OR51G1: variants seen among roughly 807,000 people sequenced by gnomAD.
OR51G1 encodes olfactory receptor family 51 subfamily G member 1, also known as olfactory receptor 51G1.
For missense variants in OR51G1, 454 were observed against 396.0 expected (o/e 1.15, Z -1.24); for synonymous variants, 163 against 156.9 (o/e 1.04, Z -0.29).
chr11:4,923,478 G>A lies in OR51G1; in HGVS notation c.862C>T (p.Leu288Phe), dbSNP rs1158376043. 1.2e-6 allele frequency: 2 copies of A among 1,613,922 alleles called. No individual in the cohort carries two copies. The highest frequency in any genetic ancestry group is 1.7e-6 in the Non-Finnish European group (2 of 1,179,870). Residue 288 changes from leucine to phenylalanine, a missense_variant, in exon 1 of 1, where the codon CTT becomes TTT. Transcript: ENST00000623849. ...ATGCTGTAGATGATGGGGTTCATAAGGGGTGGTACCAGCAGATACACATAG... is the reference window on the plus strand; with the variant it reads ...ATGCTGTAGATGATGGGGTTCATAAAGGGTGGTACCAGCAGATACACATAG... ...MSYVYLLVPP[L>F]MNPIIYSIKT... is the part of the protein sequence containing the mutation.
rs1564808071 is a variant in OR51G1, at chr11:4,923,917, TG to T, written c.422del (p.Ala141AspfsTer8). 6.2e-7 allele frequency: 1 copy of T among 1,613,980 alleles called. No individual in the cohort carries two copies. Among genetic ancestry groups the T allele is most frequent in the Non-Finnish European group, 8.5e-7 (1 of 1,180,024 alleles). ...PLHDSTVLTP[A>X]CIVKMGLSSV... The stretch of plus-strand genomic sequence containing the variant: ...AGCTTAGCCCCATCTTGACAATACA[TG>T]CAGGTGTCAGGACGGTGGAGTCATG... On this transcript the variant is annotated frameshift_variant, in exon 1 of 1. Transcript: ENST00000623849. LOFTEE classifies it low-confidence loss of function (END_TRUNC).
chr11:4,923,872 GA>G lies in OR51G1; in HGVS notation c.467del (p.Leu156ProfsTer10). ...MGLSSVLRSA[L>X]LILPLPFLLK... The stretch of plus-strand genomic sequence containing the variant: ...GGAGGAATGGCAAGGGGAGGATGAG[GA>G]GAGCACTTCTAAGCACTGAGCTTAG... On this transcript the variant is annotated frameshift_variant, in exon 1 of 1. Coordinates refer to ENST00000623849, the MANE Select transcript of OR51G1 (RefSeq NM_001005237.1). LOFTEE classifies it low-confidence loss of function (END_TRUNC). The G allele has an allele frequency of 6.2e-7, 1 of 1,614,020 alleles. No individual in the cohort carries two copies. The highest frequency in any genetic ancestry group is 8.5e-7 in the Non-Finnish European group (1 of 1,180,026).
rs774659595 is a variant in OR51G1 at position 4,924,069 on chromosome 11, T to A, written c.271A>T (p.Thr91Ser). The A allele has an allele frequency of 1.2e-6, 2 of 1,613,970 alleles. No individual in the cohort carries two copies. Among genetic ancestry groups the A allele is most frequent in the Admixed American group, 1.7e-5 (1 of 60,004 alleles). The change falls in exon 1 of 1, where the codon ACC (threonine) becomes TCC (serine). Residue 91 changes from threonine to serine, a missense_variant. By Grantham distance (58) the Thr-to-Ser change is moderately conservative (BLOSUM62 1). Coordinates refer to ENST00000623849, the MANE Select transcript of OR51G1 (RefSeq NM_001005237.1). ...PTVLGIFWFD[T>S]REIGIPACFT... ...CAGGCAGGGATGCCAATCTCTCTGGTATCAAACCAGAAAATGCCCAGCACA... is the reference window on the plus strand; with the variant it reads ...CAGGCAGGGATGCCAATCTCTCTGGAATCAAACCAGAAAATGCCCAGCACA...
Position 4,923,617 on chromosome 11 carries a change from G to A in OR51G1, c.723C>T (p.Asn241=), listed in dbSNP as rs1851218875. 1 of 1,614,154 alleles carries A rather than the reference G, an allele frequency of 6.2e-7. No homozygotes were observed. The highest frequency in any genetic ancestry group is 8.5e-7 in the Non-Finnish European group (1 of 1,180,018). The change falls in exon 1 of 1, where the codon AAC becomes AAT. Residue 241 remains asparagine, a synonymous_variant. Transcript: ENST00000623849. ...ASHQERLRAL[N]TCVSHICAVL... ...CAGCACAGATATGAGAGACACAGGT[G>A]TTGAGGGCTCGGAGTCGCTCCTGGT... is the stretch of plus-strand genomic sequence containing the variant.
Position 4,924,173 on chromosome 11 carries a change from G to A in OR51G1, c.167C>T (p.Thr56Ile). Residue 56 changes from threonine to isoleucine, a missense_variant, in exon 1 of 1, where the codon ACT becomes ATT. Coordinates refer to ENST00000623849, the MANE Select transcript of OR51G1 (RefSeq NM_001005237.1). ...TILHVICTDATLHGPMYYFLG... is the reference protein window; with the variant it reads ...TILHVICTDAILHGPMYYFLG... ...GAAATAGTACATGGGTCCATGGAGAGTGGCATCAGTACAAATGACGTGGAG... is the reference window on the plus strand; with the variant it reads ...GAAATAGTACATGGGTCCATGGAGAATGGCATCAGTACAAATGACGTGGAG... The A allele has an allele frequency of 6.2e-7, 1 of 1,614,200 alleles. No homozygotes were observed. The highest frequency in any genetic ancestry group is 8.5e-7 in the Non-Finnish European group (1 of 1,180,034).
At position 4,923,906 on chromosome 11, in the gene OR51G1, T is replaced by G. The variant is rs774270415; in HGVS notation, c.434A>C (p.Lys145Thr). Residue 145 changes from lysine (K) to threonine (T), a missense_variant, in exon 1 of 1, where the codon AAG becomes ACG. Transcript: ENST00000623849. Reference protein sequence around the residue: ...STVLTPACIVKMGLSSVLRSA... With the variant: ...STVLTPACIVTMGLSSVLRSA... ...TCTAAGCACTGAGCTTAGCCCCATCTTGACAATACATGCAGGTGTCAGGAC... is the reference window on the plus strand; with the variant it reads ...TCTAAGCACTGAGCTTAGCCCCATCGTGACAATACATGCAGGTGTCAGGAC... 1 of 1,614,126 alleles carries G rather than the reference T, an allele frequency of 6.2e-7. No homozygotes were observed. Among genetic ancestry groups the G allele is most frequent in the South Asian group, 1.1e-5 (1 of 91,066 alleles).
Position 4,924,054 on chromosome 11 carries a change from T to G in OR51G1, c.286A>C (p.Ile96Leu), listed in dbSNP as rs564670726. ...IFWFDTREIG[I>L]PACFTQLFFI... ...AAGAGCTGAGTGAAACAGGCAGGGATGCCAATCTCTCTGGTATCAAACCAG... is the reference window on the plus strand; with the variant it reads ...AAGAGCTGAGTGAAACAGGCAGGGAGGCCAATCTCTCTGGTATCAAACCAG... The change falls in exon 1 of 1, where the codon ATC (isoleucine) becomes CTC (leucine). Residue 96 changes from isoleucine (I) to leucine (L), a missense_variant. Ile to Leu is a conservative substitution (Grantham distance 5, BLOSUM62 2). Transcript: ENST00000623849. 2 of 1,614,072 alleles carry G rather than the reference T, an allele frequency of 1.2e-6. No homozygotes were observed. The highest frequency in any genetic ancestry group is 1.7e-6 in the Non-Finnish European group (2 of 1,180,014).
Position 4,923,509 on chromosome 11 carries a change from G to C in OR51G1, c.831C>G (p.Phe277Leu). 2 of 1,614,166 alleles carry C rather than the reference G, an allele frequency of 1.2e-6. No individual in the cohort carries two copies. The highest frequency in any genetic ancestry group is 1.7e-6 in the Non-Finnish European group (2 of 1,180,024). The change falls in exon 1 of 1, where the codon TTC (phenylalanine) becomes TTG (leucine). Residue 277 changes from phenylalanine (F) to leucine (L), a missense_variant. Transcript: ENST00000623849. The part of the protein sequence containing the change: ...GEHLPRVVHL[F>L]MSYVYLLVPP... ...GTACCAGCAGATACACATAGGACAT[G>C]AAGAGGTGTACAACGCGGGGCAGAT...
Position 4,924,107 on chromosome 11 carries a change from G to C in OR51G1, c.233C>G (p.Ser78Cys), listed in dbSNP as rs765114852. 6.2e-7 allele frequency: 1 copy of C among 1,614,144 alleles called. No homozygotes were observed. The highest frequency in any genetic ancestry group is 8.5e-7 in the Non-Finnish European group (1 of 1,180,032). ...AATGCCCAGCACAGTGGGCAGTGTG[G>C]AAAGGCAAAGGCCTAAGTCTGTGAC... ...LAVTDLGLCL[S>C]TLPTVLGIFW... The change falls in exon 1 of 1, where the codon TCC (serine) becomes TGC (cysteine). Residue 78 changes from serine (S) to cysteine (C), a missense_variant. Physicochemically the swap from Ser to Cys is moderately radical, Grantham distance 112 (BLOSUM62 -1). Transcript: ENST00000623849.
Position 4,923,661 on chromosome 11 carries a change from C to A in OR51G1, c.679G>T (p.Val227Leu). The change falls in exon 1 of 1, where the codon GTG becomes TTG. Residue 227 changes from valine to leucine, a missense_variant. Coordinates refer to ENST00000623849, the MANE Select transcript of OR51G1 (RefSeq NM_001005237.1). ...TCCTGGTGGGAGGCAATGCTGAGCACGGTGCGAAGGATGAGGGCGTATGAG... is the reference window on the plus strand; with the variant it reads ...TCCTGGTGGGAGGCAATGCTGAGCAAGGTGCGAAGGATGAGGGCGTATGAG... ...FLSYALILRTVLSIASHQERL... is the reference protein window; with the variant it reads ...FLSYALILRTLLSIASHQERL... 1 of 1,613,876 alleles carries A rather than the reference C, an allele frequency of 6.2e-7. No individual in the cohort carries two copies. Among genetic ancestry groups the A allele is most frequent in the South Asian group, 1.1e-5 (1 of 91,068 alleles).
rs1851233035 is a variant in OR51G1 at position 4,924,177 on chromosome 11, C to T, written c.163G>A (p.Ala55Thr). The change falls in exon 1 of 1, where the codon GCC (alanine) becomes ACC (threonine). Residue 55 changes from alanine (A) to threonine (T), a missense_variant. Ala to Thr is a moderately conservative substitution (Grantham distance 58, BLOSUM62 0). Coordinates refer to ENST00000623849, the MANE Select transcript of OR51G1 (RefSeq NM_001005237.1). ...LTILHVICTD[A>T]TLHGPMYYFL... is the part of the protein sequence containing the mutation. ...TAGTACATGGGTCCATGGAGAGTGG[C>T]ATCAGTACAAATGACGTGGAGAATG... 7.4e-6 allele frequency: 12 copies of T among 1,614,144 alleles called. No individual in the cohort carries two copies. The highest frequency in any genetic ancestry group is 1.0e-5 in the Non-Finnish European group (12 of 1,180,022).
Position 4,924,267 on chromosome 11 carries a change from G to A in OR51G1, c.73C>T (p.Leu25Phe). The change falls in exon 1 of 1, where the codon CTC becomes TTC. Residue 25 changes from leucine to phenylalanine, a missense_variant. By Grantham distance (22) the Leu-to-Phe change is conservative. Transcript: ENST00000623849. ...AAGGGAATAGAGATCCAGCCATGGA[G>A]ACCTTCTAGACCTTGGAAGCCCGTC... ...FLTGFQGLEG[L>F]HGWISIPFCF... is the part of the protein sequence containing the mutation. The A allele has an allele frequency of 2.5e-6, 4 of 1,613,994 alleles. No individual in the cohort carries two copies. The highest frequency in any genetic ancestry group is 3.4e-6 in the Non-Finnish European group (4 of 1,179,978).
Position 4,923,889 on chromosome 11 carries a change from C to T in OR51G1, c.451G>A (p.Val151Met). The change falls in exon 1 of 1, where the codon GTG becomes ATG. Residue 151 changes from valine to methionine, a missense_variant. Transcript: ENST00000623849. ...ACIVKMGLSS[V>M]LRSALLILPL... ...AGGATGAGGAGAGCACTTCTAAGCA[C>T]TGAGCTTAGCCCCATCTTGACAATA... is the stretch of plus-strand genomic sequence containing the variant. The T allele has an allele frequency of 6.2e-7, 1 of 1,614,080 alleles. No homozygotes were observed.
Position 4,923,680 on chromosome 11 carries a change from G to T in OR51G1, c.660C>A (p.Tyr220Ter). 6.2e-7 allele frequency: 1 copy of T among 1,613,968 alleles called. No individual in the cohort carries two copies. Among genetic ancestry groups the T allele is most frequent in the Non-Finnish European group, 8.5e-7 (1 of 1,179,938 alleles). ...GVDSLLIFLS[Y>*]ALILRTVLSI... ...TGAGCACGGTGCGAAGGATGAGGGC[G>T]TATGAGAGAAAGATGAGCAGGGAGT... is the stretch of plus-strand genomic sequence containing the variant. Residue 220 changes from tyrosine (Y) to a stop codon, truncating the protein, a stop_gained, in exon 1 of 1, where the codon TAC becomes TAA. Transcript: ENST00000623849. LOFTEE classifies it low-confidence loss of function (END_TRUNC).
Position 4,923,565 on chromosome 11 carries a change from C to T in OR51G1, c.775G>A (p.Gly259Ser), listed in dbSNP as rs766039390. 1.9e-6 allele frequency: 3 copies of T among 1,613,950 alleles called. No individual in the cohort carries two copies. The Admixed American group carries it at 5.0e-5, about 27-fold the overall frequency. The part of the protein sequence containing the change: ...AVLLFYIPMI[G>S]LSLVHRFGEH... Reference sequence around the variant, plus strand: ...CCAAAGCGATGCACAAGAGACAAGCCAATCATGGGGATGTAGAAGAGCAGT... The same window carrying T: ...CCAAAGCGATGCACAAGAGACAAGCTAATCATGGGGATGTAGAAGAGCAGT... The change falls in exon 1 of 1, where the codon GGC becomes AGC. Residue 259 changes from glycine to serine, a missense_variant. Transcript: ENST00000623849.
chr11:4,924,095 G>A lies in OR51G1; in HGVS notation c.245C>T (p.Thr82Ile), dbSNP rs1418214531. ...ATCAAACCAGAAAATGCCCAGCACA[G>A]TGGGCAGTGTGGAAAGGCAAAGGCC... ...DLGLCLSTLP[T>I]VLGIFWFDTR... is the part of the protein sequence containing the mutation. Residue 82 changes from threonine (T) to isoleucine (I), a missense_variant, in exon 1 of 1, where the codon ACT becomes ATT. Coordinates refer to ENST00000623849, the MANE Select transcript of OR51G1 (RefSeq NM_001005237.1). The A allele has an allele frequency of 1.9e-6, 3 of 1,614,062 alleles. No individual in the cohort carries two copies. Among genetic ancestry groups the A allele is most frequent in the African/African-American group, 1.3e-5 (1 of 74,958 alleles).
Position 4,923,533 on chromosome 11 carries a change from A to T in OR51G1, c.807T>A (p.His269Gln), listed in dbSNP as rs746111031. 2.5e-6 allele frequency: 4 copies of T among 1,614,064 alleles called. No homozygotes were observed. In the African/African-American group the frequency reaches 4.0e-5, roughly 16 times the overall value. ...TGAAGAGGTGTACAACGCGGGGCAGATGTTCACCAAAGCGATGCACAAGAG... is the reference window on the plus strand; with the variant it reads ...TGAAGAGGTGTACAACGCGGGGCAGTTGTTCACCAAAGCGATGCACAAGAG... ...GLSLVHRFGE[H>Q]LPRVVHLFMS... The change falls in exon 1 of 1, where the codon CAT becomes CAA. Residue 269 changes from histidine to glutamine, a missense_variant. Transcript: ENST00000623849.
chr11:4,923,919 C>T lies in OR51G1; in HGVS notation c.421G>A (p.Ala141Thr). 6.2e-7 allele frequency: 1 copy of T among 1,614,120 alleles called. No individual in the cohort carries two copies. Among genetic ancestry groups the T allele is most frequent in the Non-Finnish European group, 8.5e-7 (1 of 1,180,016 alleles). ...PLHDSTVLTP[A>T]CIVKMGLSSV... ...CTTAGCCCCATCTTGACAATACATG[C>T]AGGTGTCAGGACGGTGGAGTCATGC... is the stretch of plus-strand genomic sequence containing the variant. Residue 141 changes from alanine to threonine, a missense_variant, in exon 1 of 1, where the codon GCA (alanine) becomes ACA (threonine). Physicochemically the swap from Ala to Thr is moderately conservative, Grantham distance 58. Coordinates refer to ENST00000623849, the MANE Select transcript of OR51G1 (RefSeq NM_001005237.1).
rs373533073 is a variant in OR51G1, at chr11:4,924,282, G to C, written c.58C>G (p.Gln20Glu). The C allele has an allele frequency of 1.9e-6, 3 of 1,613,640 alleles. No individual in the cohort carries two copies. The highest frequency in any genetic ancestry group is 2.2e-5 in the East Asian group (1 of 44,876). The change falls in exon 1 of 1, where the codon CAA (glutamine) becomes GAA (glutamate). Residue 20 changes from glutamine to glutamate, a missense_variant. Gln to Glu is a conservative substitution (Grantham distance 29). Coordinates refer to ENST00000623849, the MANE Select transcript of OR51G1 (RefSeq NM_001005237.1). ...QRATFFLTGF[Q>E]GLEGLHGWIS... ...CAGCCATGGAGACCTTCTAGACCTT[G>C]GAAGCCCGTCAGGAAGAAAGTGGCT...
Sources: allele counts gnomAD v4.1 joint callset, GRCh38; gene constraint gnomAD v4.1.1; transcripts MANE v1.5; gene names NCBI Gene and HGNC (gene_info 2026-07-23, HGNC 2026-07-21).